Variants in TMEM108 observed in about 807,000 individuals in gnomAD.
TMEM108 encodes the protein cancer/testis antigen 124.
In TMEM108, 12 loss-of-function variants were observed where a neutral mutation model predicts 35.1. That is an observed-to-expected ratio of 0.34 (90% confidence interval 0.22 to 0.55). The LOEUF (loss-of-function observed/expected upper bound fraction) is 0.55, where lower values mean the gene tolerates loss of function less well. Ranked by LOEUF, TMEM108 falls within the 20% of genes least tolerant of loss-of-function variation. TMEM108 has a pLI of 0.89. For missense variants in TMEM108, 680 were observed against 753.3 expected (o/e 0.90, Z 1.14); for synonymous variants, 287 against 308.6 (o/e 0.93, Z 0.73).
intron 2 of TMEM108, among the ~76,000 whole-genome samples, chr3:133,187,839 C>T (rs1945442127): frequency 1.5e-5 from 2 of 135,310 alleles, no homozygotes; most frequent in South Asian, 4.9e-4. Context: ...GAGTTTCCTT[C>T]TAGATTGCTT....
chr3:133,201,634 C>T (rs1945667284), intron 2 of TMEM108, among the ~76,000 whole-genome samples: 1 of 152,152 alleles, frequency 6.6e-6, no homozygotes, highest in African/African-American at 2.4e-5. Flanking sequence ...ATGAACTCAT[C>T]CTTTTTTATG....
intron 2 of TMEM108, among the ~76,000 whole-genome samples, chr3:133,078,120 T>C (rs1341556200): frequency 6.6e-6 from 1 of 151,186 alleles, no homozygotes; most frequent in Admixed American, 6.6e-5. Context: ...TGGCGAAAAA[T>C]GGTGGAGTTT....
At chr3:133,324,452 G>A (rs2071305045) in intron 3 of TMEM108, among the ~76,000 whole-genome samples, 1 of 152,142 alleles carries the variant, frequency 6.6e-6, no homozygotes, top group South Asian at 2.1e-4. Flanking sequence ...GGAAATGCAA[G>A]TCATTACCAC....
intron 2 of TMEM108, among the ~76,000 whole-genome samples, chr3:133,207,342 C>A (rs1186842492): frequency 6.9e-6 from 1 of 145,432 alleles, no homozygotes; most frequent in Non-Finnish European, 1.5e-5. Flanking sequence ...AGTGAGGAGC[C>A]AGGTACTTTA....
intron 2 of TMEM108, among the ~76,000 whole-genome samples, chr3:133,107,929 T>G (rs1200350495): frequency 6.6e-6 from 1 of 152,144 alleles, no homozygotes; most frequent in African/African-American, 2.4e-5. Context: ...CTGACAGATC[T>G]CCTATAAAAA....
chr3:133,254,060 A>G (rs1376977396), intron 3 of TMEM108, among the ~76,000 whole-genome samples: 1 of 152,206 alleles, frequency 6.6e-6, no homozygotes, highest in Non-Finnish European at 1.5e-5. Context: ...TATTCAAGCC[A>G]GGCACAGTGG....
At chr3:133,389,101 G>A (rs1200112757) in intron 4 of TMEM108, 1 of 985,626 alleles carries the variant, frequency 1.0e-6, no homozygotes, top group Non-Finnish European at 1.2e-6. Context: ...TCCCCAAGAG[G>A]CCTCTGTCAC....
intron 3 of TMEM108, among the ~76,000 whole-genome samples, chr3:133,250,262 C>T (rs1448831610): frequency 6.6e-6 from 1 of 152,126 alleles, no homozygotes. Context: ...AAGACCAACC[C>T]CTCCTCTTCC....
intron 2 of TMEM108, among the ~76,000 whole-genome samples, chr3:133,063,258 A>C (rs1943556555): frequency 6.6e-6 from 1 of 152,182 alleles, no homozygotes; most frequent in South Asian, 2.1e-4. Context: ...AGTCATGGCC[A>C]CAGGAGTGAT....
intron 2 of TMEM108, among the ~76,000 whole-genome samples, chr3:133,213,524 A>G (rs538285624): frequency 4.6e-5 from 7 of 152,346 alleles, no homozygotes; most frequent in Admixed American, 3.9e-4. Flanking sequence ...TTCATATTCT[A>G]TAAAACTGCT....
At chr3:133,279,209 A>T (rs895707824) in intron 3 of TMEM108, among the ~76,000 whole-genome samples, 2 of 152,234 alleles carry the variant, frequency 1.3e-5, no homozygotes, top group Non-Finnish European at 2.9e-5. Flanking sequence ...GTCTACGTGC[A>T]TGGACGAAAT....
chr3:133,336,642 C>T lies in TMEM108; in HGVS notation c.41-43110C>T, dbSNP rs538209968. Among the ~76,000 whole-genome samples the T allele has an allele frequency of 2.6e-5, 4 of 152,104 alleles. No individual in the cohort carries two copies. In the East Asian group the frequency reaches 7.8e-4, roughly 30 times the overall value. On this transcript the variant is annotated intron_variant, in intron 3 of 5. Coordinates refer to ENST00000321871, the MANE Select transcript of TMEM108 (RefSeq NM_023943.4). Reference sequence around the variant, plus strand: ...CAGGTGTGGTAGCTATGGGGAGAGACTACTTCTGCTTGAGAAAAGTGGAGG... The same window carrying T: ...CAGGTGTGGTAGCTATGGGGAGAGATTACTTCTGCTTGAGAAAAGTGGAGG...
chr3:133,291,996 A>C (rs766244127), intron 3 of TMEM108, among the ~76,000 whole-genome samples: 57 of 152,166 alleles, frequency 3.7e-4, no homozygotes, highest in Non-Finnish European at 7.5e-4. Flanking sequence ...ATCTGAATAC[A>C]TCCCCTCAGG....
intron 3 of TMEM108, among the ~76,000 whole-genome samples, chr3:133,311,368 C>A (rs916794709): frequency 6.6e-6 from 1 of 152,216 alleles, no homozygotes; most frequent in East Asian, 1.9e-4. Flanking sequence ...TAGATTTGGT[C>A]TTTTCACATA....
intron 2 of TMEM108, among the ~76,000 whole-genome samples, chr3:133,052,016 T>A (rs1943411823): frequency 6.6e-6 from 1 of 152,152 alleles, no homozygotes; most frequent in South Asian, 2.1e-4. Flanking sequence ...AACCAATTTG[T>A]TGGTAGCCAC....
intron 3 of TMEM108, among the ~76,000 whole-genome samples, chr3:133,319,623 A>G (rs945840357): frequency 2.0e-5 from 3 of 152,188 alleles, no homozygotes; most frequent in Non-Finnish European, 4.4e-5. Context: ...CACAGAGTCT[A>G]CTTCACTCCC....
intron 2 of TMEM108, among the ~76,000 whole-genome samples, chr3:133,049,228 C>G (rs1251425358): frequency 1.3e-5 from 2 of 152,096 alleles, no homozygotes; most frequent in African/African-American, 4.8e-5. Context: ...ATGCCTTAAG[C>G]CTTTTCCTGC....
At chr3:133,333,453 A>T (rs543695722) in intron 3 of TMEM108, among the ~76,000 whole-genome samples, 1 of 152,198 alleles carries the variant, frequency 6.6e-6, no homozygotes, top group African/African-American at 2.4e-5. Flanking sequence ...ATAGATAAGG[A>T]CACAGAGGCC....
At chr3:133,126,973 G>C (rs1944425668) in intron 2 of TMEM108, among the ~76,000 whole-genome samples, 1 of 152,088 alleles carries the variant, frequency 6.6e-6, no homozygotes, top group Non-Finnish European at 1.5e-5. Flanking sequence ...CATGGATATG[G>C]AGGGCTGACT....
Sources: gnomAD v4.1 joint callset for allele counts (sites outside exome capture counted in the v4.1 genomes callset) on GRCh38, gnomAD v4.1.1 for gene constraint, MANE v1.5 for transcripts, NCBI Gene and HGNC (gene_info 2026-07-23, HGNC 2026-07-21) for gene names.